PHLDB2: variants seen among roughly 807,000 people sequenced by gnomAD.
PHLDB2 encodes the protein pleckstrin homology-like domain family B member 2.
In PHLDB2, 71 loss-of-function variants were observed where a neutral mutation model predicts 123.6. The observed-to-expected ratio is 0.57, with a 90% CI of 0.47 to 0.70. The LOEUF is 0.70. PHLDB2 is among the 30% of genes least tolerant of loss of function. The pLI is 0.00. For synonymous variants in PHLDB2, 547 were observed against 541.6 expected (o/e 1.01, Z -0.14); for missense variants, 1,446 against 1,519.5 (o/e 0.95, Z 0.80).
At chr3:111,830,620 T>TA (rs1205041785) in intron 1 of PHLDB2, among the ~76,000 whole-genome samples, 1 of 147,944 alleles carries the variant, frequency 6.8e-6, no homozygotes, top group Non-Finnish European at 1.5e-5. Flanking sequence ...CCATCCCGGC[T>TA]AAAACGGTGA....
chr3:111,774,685 T>G (rs753862188), intron 1 of PHLDB2, among the ~76,000 whole-genome samples: 3 of 152,216 alleles, frequency 2.0e-5, no homozygotes, highest in African/African-American at 4.8e-5. Flanking sequence ...TTCTTTGTCA[T>G]GTTAACTTCT....
intron 12 of PHLDB2, among the ~76,000 whole-genome samples, chr3:111,954,444 T>C (rs1040348617): frequency 7.2e-5 from 11 of 152,240 alleles, no homozygotes; most frequent in Admixed American, 6.5e-4. Flanking sequence ...ACAGCAAATA[T>C]AGCATTAGTG....
chr3:111,958,187 T>C, intron 12 of PHLDB2: 1 of 832,482 alleles, frequency 1.2e-6, no homozygotes, highest in Non-Finnish European at 1.4e-6. Flanking sequence ...TTTTTGATCT[T>C]GTATCTTTTT....
intron 1 of PHLDB2, among the ~76,000 whole-genome samples, chr3:111,829,749 A>G (rs2062846596): frequency 2.0e-5 from 3 of 152,126 alleles, no homozygotes; most frequent in Non-Finnish European, 4.4e-5. Context: ...GGCATGAGCC[A>G]CCGCGCCCGA....
intron 17 of PHLDB2, 145 bp downstream of exon 17, chr3:111,973,962 G>A (rs2072386252): frequency 2.0e-6 from 1 of 500,130 alleles, no homozygotes; most frequent in Admixed American, 3.4e-5. Context: ...TAAACATGAA[G>A]TAAGTGGGAT....
In PHLDB2 at chr3:111,940,646, G is replaced by A. The variant is rs1383196449; in HGVS notation, c.2397+1G>A. On this transcript the variant is annotated splice_donor_variant, in intron 8 of 17. Coordinates refer to ENST00000431670, the MANE Select transcript of PHLDB2 (RefSeq NM_001134438.2). LOFTEE classifies it high-confidence loss of function. ...TAATTTAATAATGATGTTGCAAAGAGTAAGTATTTCCTTTTCAGCACTGGC... is the reference window on the plus strand; with the variant it reads ...TAATTTAATAATGATGTTGCAAAGAATAAGTATTTCCTTTTCAGCACTGGC... 6.4e-7 allele frequency: 1 copy of A among 1,553,636 alleles called. No homozygotes were observed. The highest frequency in any genetic ancestry group is 1.8e-5 in the Admixed American group (1 of 56,676).
At chr3:111,739,573 TA>T (rs1231413646) in intron 1 of PHLDB2, among the ~76,000 whole-genome samples, 3 of 11,714 alleles carry the variant, frequency 2.6e-4, no homozygotes, top group Non-Finnish European at 7.4e-4. Context: ...CTTCTGAAGT[TA>T]AAAAAAAAAA....
At chr3:111,870,392 G>A (rs1420087066) in intron 1 of PHLDB2, among the ~76,000 whole-genome samples, 1 of 152,162 alleles carries the variant, frequency 6.6e-6, no homozygotes, top group African/African-American at 2.4e-5. Context: ...TTTGCAGAGG[G>A]GGAGTTGAGG....
At chr3:111,841,050 C>G (rs192296288) in intron 1 of PHLDB2, among the ~76,000 whole-genome samples, 18 of 152,168 alleles carry the variant, frequency 1.2e-4, no homozygotes, top group Admixed American at 1.2e-3. Context: ...TTTATAGTTA[C>G]TCCATTCCAG....
chr3:111,857,378 G>C (rs1274321472), upstream of PHLDB2, among the ~76,000 whole-genome samples: 2 of 150,290 alleles, frequency 1.3e-5, no homozygotes, highest in Non-Finnish European at 2.9e-5. Flanking sequence ...TTGAGCCCAG[G>C]AGGTTAAGGC....
chr3:111,939,663 A>C (rs987686273), intron 7 of PHLDB2, 33 bp downstream of exon 7: 22 of 1,582,960 alleles, frequency 1.4e-5, no homozygotes, highest in African/African-American at 2.7e-5. Flanking sequence ...AATGTGAAAA[A>C]TCAAAATATA....
rs1577241548 is a variant in PHLDB2, at chr3:111,974,631, A to G, written c.*68A>G. On this transcript the variant is annotated 3_prime_UTR_variant, in exon 18 of 18. Coordinates refer to ENST00000431670, the MANE Select transcript of PHLDB2 (RefSeq NM_001134438.2). The stretch of plus-strand genomic sequence containing the variant: ...CTCTTACAAGAATGAAGCCATATTC[A>G]ACCCCAGATGAGAAAACCCAACAGA... The G allele has an allele frequency of 6.9e-7, 1 of 1,441,896 alleles. No homozygotes were observed. Among genetic ancestry groups the G allele is most frequent in the East Asian group, 2.5e-5 (1 of 40,022 alleles). The allele number at this position is 1,441,896 out of a possible 1,614,324, so 89.3% of individuals were successfully genotyped here.
chr3:111,780,370 G>C (rs946315370), intron 1 of PHLDB2, among the ~76,000 whole-genome samples: 3 of 38,268 alleles, frequency 7.8e-5, no homozygotes, highest in Non-Finnish European at 8.0e-5. Context: ...AGAAGAAGAA[G>C]AAGAAGAAGA....
intron 8 of PHLDB2, among the ~76,000 whole-genome samples, chr3:111,944,918 G>A (rs2070192737): frequency 1.3e-5 from 2 of 152,236 alleles, no homozygotes; most frequent in East Asian, 1.9e-4. Flanking sequence ...TGATCTGCCC[G>A]CCTCAGCCTC....
chr3:111,923,520 T>G (rs1040637586), intron 5 of PHLDB2, among the ~76,000 whole-genome samples: 1 of 152,206 alleles, frequency 6.6e-6, no homozygotes, highest in African/African-American at 2.4e-5. Context: ...ATAACCCTTT[T>G]TGGAATTCTG....
chr3:111,733,364 T>C (rs895504986), intron 1 of PHLDB2, among the ~76,000 whole-genome samples: 10 of 152,232 alleles, frequency 6.6e-5, no homozygotes, highest in African/African-American at 2.4e-4. Flanking sequence ...TTTGCTGGCC[T>C]GAGTCCCTCT....
At chr3:111,786,296 C>T (rs1445883963) in intron 1 of PHLDB2, among the ~76,000 whole-genome samples, 1 of 152,184 alleles carries the variant, frequency 6.6e-6, no homozygotes, top group African/African-American at 2.4e-5. Context: ...GTGCTTAGCA[C>T]AGATGCAGTT....
rs189777394 is a variant in PHLDB2, at chr3:111,751,959, G to A, written c.-49+19256G>A. ...TCTATTCAGATGCTTATTAGATTGT[G>A]GTAGATTTTGCTAAGGCATGTGATA... On this transcript the variant is annotated intron_variant, in intron 1 of 17. Coordinates refer to the PHLDB2 transcript ENST00000393923. Among the ~76,000 whole-genome samples the A allele has an allele frequency of 1.5e-3, 228 of 152,218 alleles. 2 individuals carry two copies. Among genetic ancestry groups the A allele is most frequent in the African/African-American group, 5.3e-3 (221 of 41,518 alleles).
chr3:111,829,960 A>ACACG (rs1158279815), intron 1 of PHLDB2, among the ~76,000 whole-genome samples: 3 of 149,810 alleles, frequency 2.0e-5, no homozygotes, highest in African/African-American at 7.4e-5. Flanking sequence ...ACACACACAC[A>ACACG]CACACACACA....
Sources: allele counts gnomAD v4.1 joint callset (sites outside exome capture counted in the v4.1 genomes callset), GRCh38; gene constraint gnomAD v4.1.1; transcripts MANE v1.5; gene names NCBI Gene and HGNC (gene_info 2026-07-23, HGNC 2026-07-21).